Variants in FGD4 observed in about 807,000 individuals in gnomAD.
The protein encoded by FGD4 is FYVE, RhoGEF and PH domain containing 4.
FGD4 carries 42 observed loss-of-function variants against 102.0 expected under a neutral mutation model. The ratio of observed to expected loss-of-function variants is 0.41; its 90% confidence interval spans 0.32 to 0.53. The LOEUF (loss-of-function observed/expected upper bound fraction) is 0.53. Among genes scored for constraint, FGD4 ranks in the 20% least tolerant of loss-of-function variants. The probability of loss-of-function intolerance (pLI) is 0.21; values close to 1 mark genes in which losing one functional copy is unlikely to be tolerated. For missense variants in FGD4, 902 were observed against 1,078.2 expected (o/e 0.84, Z 2.29); for synonymous variants, 380 against 375.7 (o/e 1.01, Z -0.13).
chr12:32,618,839 T>A (rs150376946), intron 10 of FGD4, among the ~76,000 whole-genome samples: 102 of 152,240 alleles, frequency 6.7e-4, no homozygotes, highest in Middle Eastern at 3.4e-3. Flanking sequence ...GGTGGTGTGT[T>A]TCTATAGTCC....
chr12:32,538,745 G>T (rs1322324223), intron 1 of FGD4, among the ~76,000 whole-genome samples: 5 of 152,114 alleles, frequency 3.3e-5, no homozygotes, highest in African/African-American at 1.2e-4. Flanking sequence ...TTGTGGCCAA[G>T]ATTTTTTGCT....
intron 14 of FGD4, among the ~76,000 whole-genome samples, chr12:32,626,852 G>GTT (rs1023776409): frequency 1.3e-5 from 2 of 152,006 alleles, no homozygotes; most frequent in African/African-American, 4.8e-5. Context: ...TTTTTGTTTT[G>GTT]TTTTTTGTTT....
At chr12:32,545,517 C>CTTA (rs1391239061) in intron 1 of FGD4, among the ~76,000 whole-genome samples, 37 of 152,346 alleles carry the variant, frequency 2.4e-4, no homozygotes, top group Non-Finnish European at 8.8e-5. Flanking sequence ...CTACTCAACT[C>CTTA]TACTAACATA....
Position 32,495,523 on chromosome 12 carries a change from G to A in FGD4, c.167-68614G>A, listed in dbSNP as rs542702493. On this transcript the variant is annotated intron_variant, in intron 1 of 16. Coordinates refer to ENST00000534526, the MANE Select transcript of FGD4 (RefSeq NM_001370298.3). ...CATCCTGGCTAACACAGCGAAACCC[G>A]TCTCTACTAAAAAATACAGAAAATT... Among the ~76,000 whole-genome samples, 25 of 151,920 alleles carry A rather than the reference G, an allele frequency of 1.6e-4. No individual in the cohort carries two copies. The South Asian group carries it at 2.9e-3, about 18-fold the overall frequency.
At chr12:32,407,043 C>G (rs1217579444) in intron 1 of FGD4, among the ~76,000 whole-genome samples, 1 of 151,406 alleles carries the variant, frequency 6.6e-6, no homozygotes, top group South Asian at 2.1e-4. Context: ...GAACTCCTGA[C>G]CTCGTGATCC....
At chr12:32,531,182 C>T (rs1941781951) in intron 1 of FGD4, among the ~76,000 whole-genome samples, 1 of 151,778 alleles carries the variant, frequency 6.6e-6, no homozygotes, top group African/African-American at 2.4e-5. Flanking sequence ...ATCTCTTGAC[C>T]TCATGATCCG....
At chr12:32,575,092 T>C (rs770764923) in intron 2 of FGD4, among the ~76,000 whole-genome samples, 4 of 152,228 alleles carry the variant, frequency 2.6e-5, no homozygotes, top group Non-Finnish European at 5.9e-5. Flanking sequence ...GATTTTAGTA[T>C]TTCATGAAAT....
intron 4 of FGD4, chr12:32,582,693 C>T (rs1946713163): frequency 3.4e-6 from 2 of 592,048 alleles, no homozygotes; most frequent in South Asian, 2.0e-5. Context: ...GTTGTAATTT[C>T]AGGAGTCAGA....
chr12:32,570,255 A>AAAG (rs1945546258), intron 2 of FGD4, among the ~76,000 whole-genome samples: 2 of 149,680 alleles, frequency 1.3e-5, no homozygotes, highest in Admixed American at 1.3e-4. Context: ...AAAAAAAAAA[A>AAAG]AAAAAAAGAA....
chr12:32,407,134 T>C (rs976511789), intron 1 of FGD4, among the ~76,000 whole-genome samples: 2 of 141,274 alleles, frequency 1.4e-5, no homozygotes, highest in African/African-American at 5.3e-5. Flanking sequence ...TTTTTTTTTT[T>C]TTTTTTTTGA....
At chr12:32,588,019 A>G (rs1271823829) in intron 4 of FGD4, among the ~76,000 whole-genome samples, 1 of 152,194 alleles carries the variant, frequency 6.6e-6, no homozygotes, top group Non-Finnish European at 1.5e-5. Context: ...CAAACAATAG[A>G]AAAGGATGTT....
intron 1 of FGD4, among the ~76,000 whole-genome samples, chr12:32,563,542 T>C: frequency 7.3e-6 from 1 of 137,748 alleles, no homozygotes; most frequent in African/African-American, 2.8e-5. Context: ...GAGGGGCTCC[T>C]CACGTCCCAG....
At chr12:32,543,628 A>G (rs1446392739) in intron 1 of FGD4, among the ~76,000 whole-genome samples, 2 of 152,136 alleles carry the variant, frequency 1.3e-5, no homozygotes, top group African/African-American at 4.8e-5. Context: ...TTAGGAAATT[A>G]CAAGAGTTTT....
chr12:32,504,703 A>G (rs2136637983), intron 1 of FGD4, among the ~76,000 whole-genome samples: 1 of 152,318 alleles, frequency 6.6e-6, no homozygotes, highest in East Asian at 1.9e-4. Flanking sequence ...TGGTTATTTC[A>G]TGTAAAAGGA....
At chr12:32,472,762 G>C (rs1338403860) in intron 1 of FGD4, among the ~76,000 whole-genome samples, 1 of 152,246 alleles carries the variant, frequency 6.6e-6, no homozygotes, top group Non-Finnish European at 1.5e-5. Context: ...TCCTGAGTCT[G>C]GTGGGGACGT....
Position 32,640,424 on chromosome 12 carries a change from G to A in FGD4, c.2603G>A (p.Trp868Ter). Residue 868 changes from tryptophan (W) to a stop codon, truncating the protein, a stop_gained, in exon 17 of 17, where the codon TGG becomes TAG. Transcript: ENST00000534526. LOFTEE classifies it high-confidence loss of function. ...GACAGTGAGGAACTGAAGCAGAAGT[G>A]GCTGAAAGTCATCCTTTTAGCTGTC... ...AADSEELKQK[W>*]LKVILLAVTG... 1 of 1,614,144 alleles carries A rather than the reference G, an allele frequency of 6.2e-7. No individual in the cohort carries two copies. The highest frequency in any genetic ancestry group is 8.5e-7 in the Non-Finnish European group (1 of 1,180,022).
chr12:32,490,839 A>G (rs1944062585), intron 1 of FGD4, among the ~76,000 whole-genome samples: 1 of 152,234 alleles, frequency 6.6e-6, no homozygotes, highest in Non-Finnish European at 1.5e-5. Context: ...CACTTTTCCC[A>G]TACATTTCTT....
intron 1 of FGD4, among the ~76,000 whole-genome samples, chr12:32,521,216 GTC>G: frequency 6.6e-6 from 1 of 151,994 alleles, no homozygotes; most frequent in Non-Finnish European, 1.5e-5. Context: ...GCAAAACCCT[GTC>G]TCTACTAAAA....
At chr12:32,480,247 C>T (rs1414861738) in intron 1 of FGD4, among the ~76,000 whole-genome samples, 9 of 151,710 alleles carry the variant, frequency 5.9e-5, no homozygotes, top group African/African-American at 1.5e-4. Flanking sequence ...CTGCAAGCTC[C>T]GCCTGCCAGG....
Sources: allele counts gnomAD v4.1 joint callset (sites outside exome capture counted in the v4.1 genomes callset), GRCh38; gene constraint gnomAD v4.1.1; transcripts MANE v1.5; gene names NCBI Gene and HGNC (gene_info 2026-07-23, HGNC 2026-07-21).